Variants in KLHL1 observed in about 807,000 individuals in gnomAD.
The protein encoded by KLHL1 is kelch like family member 1.
KLHL1 carries 47 observed loss-of-function variants against 77.7 expected under a neutral mutation model. The ratio of observed to expected loss-of-function variants is 0.60; its 90% CI spans 0.48 to 0.77. The LOEUF is 0.77. Among genes scored for constraint, KLHL1 ranks in the 30% least tolerant of loss-of-function variants. KLHL1 has a pLI of 0.00. For missense variants in KLHL1, 925 were observed against 910.8 expected (o/e 1.02, Z -0.20); for synonymous variants, 360 against 325.2 (o/e 1.11, Z -1.15).
At chr13:70,091,039 T>TGATCCAAGTTTTATTCC (rs2137441919) in intron 1 of KLHL1, among the ~76,000 whole-genome samples, 1 of 152,202 alleles carries the variant, frequency 6.6e-6, no homozygotes, top group South Asian at 2.1e-4. Flanking sequence ...TATCTTATTC[T>TGATCCAAGTTTTATTCC]CTGATCCAAG....
chr13:70,039,777 C>A (rs1330628020), intron 1 of KLHL1, among the ~76,000 whole-genome samples: 1 of 151,492 alleles, frequency 6.6e-6, no homozygotes, highest in Admixed American at 6.6e-5. Context: ...GTAGCTGGAA[C>A]TATAGGTATG....
At chr13:69,963,990 T>C (rs1722147867) in intron 2 of KLHL1, among the ~76,000 whole-genome samples, 1 of 152,142 alleles carries the variant, frequency 6.6e-6, no homozygotes, top group Non-Finnish European at 1.5e-5. Flanking sequence ...TTTTTTGAAC[T>C]TGAAATATAC....
At chr13:69,731,565 A>G (rs1873543037) in intron 8 of KLHL1, among the ~76,000 whole-genome samples, 1 of 152,150 alleles carries the variant, frequency 6.6e-6, no homozygotes, top group South Asian at 2.1e-4. Flanking sequence ...ATGGTTACAG[A>G]TATTTTTTGA....
chr13:69,962,256 G>A (rs892654019), intron 2 of KLHL1, among the ~76,000 whole-genome samples: 5 of 151,608 alleles, frequency 3.3e-5, no homozygotes, highest in Non-Finnish European at 5.9e-5. Flanking sequence ...TTCTATTTTT[G>A]TTGGTTTGTT....
chr13:69,761,936 G>A (rs1875043000), intron 7 of KLHL1, among the ~76,000 whole-genome samples: 1 of 152,060 alleles, frequency 6.6e-6, no homozygotes, highest in South Asian at 2.1e-4. Flanking sequence ...TCAATCTTTA[G>A]TTTGTCAAAC....
At chr13:69,749,672 G>C (rs533700096) in intron 7 of KLHL1, among the ~76,000 whole-genome samples, 1 of 151,830 alleles carries the variant, frequency 6.6e-6, no homozygotes, top group African/African-American at 2.4e-5. Flanking sequence ...GTTGGCCTTC[G>C]AATATGGAGA....
chr13:70,039,458 T>A (rs1217335712), intron 1 of KLHL1, among the ~76,000 whole-genome samples: 1 of 152,118 alleles, frequency 6.6e-6, no homozygotes, highest in Non-Finnish European at 1.5e-5. Flanking sequence ...GTGGCATAAA[T>A]AATTTTTTGG....
chr13:69,867,960 A>G (rs1447262748), intron 5 of KLHL1, among the ~76,000 whole-genome samples: 1 of 152,184 alleles, frequency 6.6e-6, no homozygotes, highest in South Asian at 2.1e-4. Context: ...TATGTAACTA[A>G]CCTGCACGTT....
chr13:70,000,976 A>G (rs1328309272), intron 1 of KLHL1, among the ~76,000 whole-genome samples: 2 of 151,468 alleles, frequency 1.3e-5, no homozygotes, highest in African/African-American at 2.4e-5. Flanking sequence ...ATCAATGATG[A>G]CAGGAAAGTA....
At chr13:70,066,980 T>C (rs1308111953) in intron 1 of KLHL1, among the ~76,000 whole-genome samples, 3 of 152,174 alleles carry the variant, frequency 2.0e-5, no homozygotes, top group African/African-American at 7.2e-5. Context: ...GTTTTAAGTA[T>C]AAAATAAAAT....
intron 8 of KLHL1, among the ~76,000 whole-genome samples, chr13:69,738,949 A>T (rs1156683309): frequency 6.6e-6 from 1 of 152,128 alleles, no homozygotes; most frequent in Non-Finnish European, 1.5e-5. Context: ...ACACATAATC[A>T]TCAGATTCGC....
intron 6 of KLHL1, among the ~76,000 whole-genome samples, chr13:69,819,077 G>T (rs1878237864): frequency 6.6e-6 from 1 of 152,256 alleles, no homozygotes; most frequent in South Asian, 2.1e-4. Context: ...CAGAATTGCT[G>T]CATAAAAGGC....
chr13:69,975,194 T>A (rs954146146), intron 2 of KLHL1, among the ~76,000 whole-genome samples: 4 of 151,992 alleles, frequency 2.6e-5, no homozygotes, highest in Non-Finnish European at 5.9e-5. Flanking sequence ...TTAGTTGATA[T>A]AAATATATAG....
At chr13:69,780,717 T>TATAC (rs1566243802) in intron 7 of KLHL1, among the ~76,000 whole-genome samples, 2 of 35,476 alleles carry the variant, frequency 5.6e-5, no homozygotes, top group African/African-American at 1.3e-4. Context: ...TATATATATG[T>TATAC]ATATATATAT....
intron 7 of KLHL1, among the ~76,000 whole-genome samples, chr13:69,763,814 A>C (rs1213526224): frequency 6.6e-6 from 1 of 152,222 alleles, no homozygotes; most frequent in Non-Finnish European, 1.5e-5. Context: ...AATGTTAAAG[A>C]AGATAGATCC....
chr13:69,926,107 GT>G (rs1452351515), intron 4 of KLHL1, among the ~76,000 whole-genome samples: 1 of 152,094 alleles, frequency 6.6e-6, no homozygotes, highest in Non-Finnish European at 1.5e-5. Flanking sequence ...AACGTTTCTA[GT>G]TTTTTATTAT....
intron 8 of KLHL1, among the ~76,000 whole-genome samples, chr13:69,732,501 C>A (rs920396578): frequency 3.0e-4 from 45 of 152,238 alleles, no homozygotes; most frequent in Non-Finnish European, 5.7e-4. Context: ...TACATCCTCT[C>A]CTGTATTTTC....
At chr13:69,868,801 G>GT (rs1235296883) in intron 5 of KLHL1, among the ~76,000 whole-genome samples, 2 of 151,900 alleles carry the variant, frequency 1.3e-5, no homozygotes, top group African/African-American at 2.4e-5. Flanking sequence ...GATTTTACAC[G>GT]TATCAGTGAT....
At chr13:70,099,565 C>A (rs918830711) in intron 1 of KLHL1, among the ~76,000 whole-genome samples, 2 of 151,722 alleles carry the variant, frequency 1.3e-5, no homozygotes, top group African/African-American at 4.8e-5. Flanking sequence ...AAGTATTTGG[C>A]CCCAACATAT....
Sources: gnomAD v4.1 joint callset for allele counts (sites outside exome capture counted in the v4.1 genomes callset) on GRCh38, gnomAD v4.1.1 for gene constraint, MANE v1.5 for transcripts, NCBI Gene and HGNC (gene_info 2026-07-23, HGNC 2026-07-21) for gene names.